The following RNPEP variants were observed in gnomAD, a reference collection of about 807,000 sequenced individuals.
RNPEP encodes the protein arginyl aminopeptidase.
In RNPEP, 57 loss-of-function variants were observed where a neutral mutation model predicts 70.1. The ratio of observed to expected loss-of-function variants is 0.81; its 90% CI spans 0.66 to 1.01. The LOEUF (loss-of-function observed/expected upper bound fraction) is 1.01, where lower values mean the gene tolerates loss of function less well. RNPEP is among the 50% of genes least tolerant of loss of function. RNPEP has a pLI of 0.00. For synonymous variants in RNPEP, 335 were observed against 357.4 expected (o/e 0.94, Z 0.71); for missense variants, 787 against 852.4 (o/e 0.92, Z 0.96).
intron 7 of RNPEP, 28 bp from the exon 8 acceptor site, chr1:202,001,631 G>C (rs746170373): frequency 6.4e-7 from 1 of 1,552,966 alleles, no homozygotes; most frequent in Non-Finnish European, 8.9e-7. Flanking sequence ...GGGCCAGAGA[G>C]GGTCTAAAGA....
Position 202,001,674 on chromosome 1 carries a change from T to C in RNPEP, c.1333T>C (p.Phe445Leu). ...CTCCTCACAGGCCTATGTGCATGAA[T>C]TCAAATTCCGAAGCATCTTAGCCGA... ...DSFLKAYVHE[F>L]KFRSILADDF... The change falls in exon 8 of 11, where the codon TTC (phenylalanine) becomes CTC (leucine). Residue 445 changes from phenylalanine (F) to leucine (L), a missense_variant. Phe to Leu is a conservative substitution (Grantham distance 22). Coordinates refer to ENST00000295640, the MANE Select transcript of RNPEP (RefSeq NM_020216.4). 1 of 1,613,406 alleles carries C rather than the reference T, an allele frequency of 6.2e-7. No homozygotes were observed. The highest frequency in any genetic ancestry group is 8.5e-7 in the Non-Finnish European group (1 of 1,179,352).
At chr1:201,999,876 G>A (rs371813654) in intron 5 of RNPEP, 26 bp from the exon 6 acceptor site, 4 of 1,588,496 alleles carry the variant, frequency 2.5e-6, no homozygotes, top group Non-Finnish European at 2.6e-6. Flanking sequence ...ACGTTTTCCC[G>A]AGGCTTACGT....
chr1:201,992,809 C>T (rs1400494298), intron 3 of RNPEP, among the ~76,000 whole-genome samples: 1 of 152,200 alleles, frequency 6.6e-6, no homozygotes, highest in East Asian at 1.9e-4. Context: ...ATAACCACTA[C>T]ACCTTTCTCA....
chr1:201,984,115 A>G (rs1187890699), intron 1 of RNPEP, among the ~76,000 whole-genome samples: 1 of 152,150 alleles, frequency 6.6e-6, no homozygotes, highest in African/African-American at 2.4e-5. Context: ...ATTGTTTAGT[A>G]GAGACAAAAT....
At chr1:201,994,123 C>G (rs1263946797) in intron 3 of RNPEP, among the ~76,000 whole-genome samples, 1 of 152,182 alleles carries the variant, frequency 6.6e-6, no homozygotes, top group Non-Finnish European at 1.5e-5. Context: ...ATCAGGCCTC[C>G]TGGTTAGTCC....
At chr1:202,004,129 ATT>A (rs1683952834) in intron 9 of RNPEP, among the ~76,000 whole-genome samples, 1 of 152,090 alleles carries the variant, frequency 6.6e-6, no homozygotes, top group Non-Finnish European at 1.5e-5. Flanking sequence ...GTGATTCTTG[ATT>A]CTAGCACCTC....
Position 201,988,948 on chromosome 1 carries a change from C to T in RNPEP, c.492C>T (p.Pro164=), listed in dbSNP as rs142985914. Residue 164 remains proline, a synonymous_variant, in exon 2 of 11, where the codon CCC becomes CCT. Transcript: ENST00000295640. ...AGCAGACAGCAGGAAAGAAGAAGCC[C>T]TTCGTGTACACCCAGGGCCAGGCTG... is the stretch of plus-strand genomic sequence containing the variant. The part of the protein sequence containing the change: ...APEQTAGKKK[P]FVYTQGQAVL... 5 of 1,613,740 alleles carry T rather than the reference C, an allele frequency of 3.1e-6. No homozygotes were observed. Among genetic ancestry groups the T allele is most frequent in the South Asian group, 1.1e-5 (1 of 90,974 alleles).
intron 2 of RNPEP, 130 bp from the exon 3 acceptor site, chr1:201,989,253 A>G: frequency 7.9e-7 from 1 of 1,272,190 alleles, no homozygotes; most frequent in East Asian, 2.4e-5. Context: ...GTTTCTTGAA[A>G]CCTTTGTGTT....
chr1:201,986,240 T>G (rs1000034499), intron 1 of RNPEP, among the ~76,000 whole-genome samples: 56 of 106,244 alleles, frequency 5.3e-4, no homozygotes, highest in Non-Finnish European at 1.2e-3. Flanking sequence ...TCCCAGCCAG[T>G]TTTTTGTTTT....
At chr1:201,997,638 A>T (rs779535234) in intron 5 of RNPEP, 84 bp downstream of exon 5, 17 of 1,057,476 alleles carry the variant, frequency 1.6e-5, no homozygotes, top group Non-Finnish European at 2.3e-5. Flanking sequence ...GGGGTTTCAG[A>T]ATACAAGTGG....
At chr1:201,994,572 C>G (rs1396264847) in intron 3 of RNPEP, among the ~76,000 whole-genome samples, 1 of 152,008 alleles carries the variant, frequency 6.6e-6, no homozygotes, top group Non-Finnish European at 1.5e-5. Context: ...TTCCCTGTAT[C>G]TTTTCTTCCT....
In RNPEP at chr1:202,003,327, A is replaced by G; in HGVS notation, c.1517A>G (p.Glu506Gly). 1 of 1,614,158 alleles carries G rather than the reference A, an allele frequency of 6.2e-7. No homozygotes were observed. The change falls in exon 9 of 11, where the codon GAA (glutamate) becomes GGA (glycine). Residue 506 changes from glutamate to glycine, a missense_variant. By Grantham distance (98) the Glu-to-Gly change is moderately conservative. Transcript: ENST00000295640. ...SPGDSLMKPA[E>G]ELAQLWAAEE... ...GGGGACTCACTCATGAAGCCTGCTGAAGAGCTAGCCCAACTGTGGGCAGCC... is the reference window on the plus strand; with the variant it reads ...GGGGACTCACTCATGAAGCCTGCTGGAGAGCTAGCCCAACTGTGGGCAGCC...
chr1:201,990,932 C>G (rs566360055), intron 3 of RNPEP, among the ~76,000 whole-genome samples: 3 of 152,224 alleles, frequency 2.0e-5, no homozygotes, highest in African/African-American at 7.2e-5. Context: ...AATGAGAGAA[C>G]AATAGATTCT....
chr1:201,983,819 T>C (rs1683029478), intron 1 of RNPEP: 2 of 1,069,614 alleles, frequency 1.9e-6, no homozygotes, highest in Non-Finnish European at 2.3e-6. Flanking sequence ...ATGTGGCTTA[T>C]GTCTGTAAGA....
chr1:201,997,629 G>A, intron 5 of RNPEP, 75 bp downstream of exon 5: 1 of 1,171,718 alleles, frequency 8.5e-7, no homozygotes, highest in Non-Finnish European at 1.3e-6. Flanking sequence ...TCTCCTTATG[G>A]GGTTTCAGAA....
At chr1:202,003,511 A>G in intron 9 of RNPEP, 50 bp downstream of exon 9, 2 of 1,313,250 alleles carry the variant, frequency 1.5e-6, no homozygotes, top group Non-Finnish European at 2.2e-6. Context: ...GCTTTATGTC[A>G]GGGGCTAGAG....
At position 201,983,477 on chromosome 1, in the gene RNPEP, A is replaced by G. The variant is rs146725326; in HGVS notation, c.447+364A>G. 30 of 1,368,710 alleles carry G rather than the reference A, an allele frequency of 2.2e-5. No individual in the cohort carries two copies. In the East Asian group the frequency reaches 2.5e-4, roughly 12 times the overall value. 84.8% of individuals were successfully genotyped at this position (1,368,710 alleles called of 1,614,324 possible). ...TGGCTTTCTAGATGACCTGTTGTTC[A>G]TGCACTTCACTTAGTGCCCTCTTGG... On this transcript the variant is annotated intron_variant, in intron 1 of 10. Coordinates refer to ENST00000295640, the MANE Select transcript of RNPEP (RefSeq NM_020216.4).
At chr1:201,997,263 G>C in intron 4 of RNPEP, 56 bp from the exon 5 acceptor site, 5 of 1,351,426 alleles carry the variant, frequency 3.7e-6, no homozygotes, top group Non-Finnish European at 4.2e-6. Flanking sequence ...GGGAGGCGAG[G>C]TAGGGTCTGC....
chr1:201,989,283 C>A, intron 2 of RNPEP, 100 bp from the exon 3 acceptor site: 1 of 1,391,576 alleles, frequency 7.2e-7, no homozygotes, highest in Non-Finnish European at 9.9e-7. Flanking sequence ...AGACTCCAGG[C>A]CATTATCATC....
Sources: allele counts gnomAD v4.1 joint callset (sites outside exome capture counted in the v4.1 genomes callset), GRCh38; gene constraint gnomAD v4.1.1; transcripts MANE v1.5; gene names NCBI Gene and HGNC (gene_info 2026-07-23, HGNC 2026-07-21).